FANCB: variants seen among roughly 807,000 people sequenced by gnomAD.
The protein encoded by FANCB is Fanconi anemia group B protein.
A neutral mutation model predicts 38.9 loss-of-function variants in FANCB; 5 were observed. The ratio of observed to expected loss-of-function variants is 0.13; its 90% CI spans 0.07 to 0.27. The LOEUF is 0.27. Among genes scored for constraint, FANCB ranks in the 10% least tolerant of loss-of-function variants. FANCB has a pLI of 1.00. For missense variants in FANCB, 573 were observed against 602.7 expected (o/e 0.95, Z 0.52); for synonymous variants, 236 against 215.4 (o/e 1.10, Z -0.84).
chrX:14,739,834 TGATG>T, the FANCB span, among the ~76,000 whole-genome samples: 1 of 112,320 alleles, frequency 8.9e-6, no homozygotes, highest in Non-Finnish European at 1.9e-5. Flanking sequence ...TTTCCCAAGA[TGATG>T]GAAGCGTGTA....
At chrX:14,693,698 C>T in the FANCB span, among the ~76,000 whole-genome samples, 2 of 111,818 alleles carry the variant, frequency 1.8e-5, no homozygotes, top group South Asian at 3.7e-4. Flanking sequence ...TGGACTATAA[C>T]GCACCTCATA....
chrX:14,857,832 G>A (rs759214492), intron 5 of FANCB, 30 bp downstream of exon 5: 47 of 985,206 alleles, frequency 4.8e-5, no homozygotes, highest in Middle Eastern at 2.6e-4. Context: ...AACACTAATC[G>A]AAAAGCAAAA....
the FANCB span, among the ~76,000 whole-genome samples, chrX:14,763,057 T>A: frequency 8.9e-6 from 1 of 111,839 alleles, no homozygotes; most frequent in South Asian, 3.8e-4. Context: ...CAGAGAGTGA[T>A]CTAAACTGAG....
chrX:14,775,160 G>GTTTTTTTTTTTTTTTTTTTTTTTTT, the FANCB span, among the ~76,000 whole-genome samples: 2 of 35,001 alleles, frequency 5.7e-5, no homozygotes, highest in Non-Finnish European at 1.2e-4. Flanking sequence ...TTTCTCTAAT[G>GTTTTTTTTTTTTTTTTTTTTTTTTT]TTTTTTTTTT....
Position 14,843,534 on chromosome X carries a change from A to C in FANCB, c.*33T>G, listed in dbSNP as rs187611308. On this transcript the variant is annotated 3_prime_UTR_variant, in exon 10 of 10. Transcript: ENST00000650831. ...CAAAATCTTATATGGTGGTGAAAACATATTTTAAAATATGATCAAATTGAA... is the reference window on the plus strand; with the variant it reads ...CAAAATCTTATATGGTGGTGAAAACCTATTTTAAAATATGATCAAATTGAA... The C allele has an allele frequency of 3.7e-6, 4 of 1,067,456 alleles. No homozygotes were observed. The African/African-American group carries it at 7.5e-5, about 20-fold the overall frequency. 88.0% of individuals were successfully genotyped at this position (1,067,456 alleles called of 1,213,427 possible).
In FANCB at chrX:14,859,183, G is replaced by A. The variant is rs143585647; in HGVS notation, c.1103C>T (p.Ser368Leu). Residue 368 changes from serine (S) to leucine (L), a missense_variant and splice_region_variant, in exon 4 of 10, where the codon TCG (serine) becomes TTG (leucine). Coordinates refer to ENST00000650831, the MANE Select transcript of FANCB (RefSeq NM_001018113.3). ...ATATAATAAGTAAATAGAACTTACCGAATAGTTTATTTTTCCAAGATCCGT... is the reference window on the plus strand; with the variant it reads ...ATATAATAAGTAAATAGAACTTACCAAATAGTTTATTTTTCCAAGATCCGT... ...KITDLGKINY[S>L]SEPSDCNEDD... is the part of the protein sequence containing the mutation. The A allele has an allele frequency of 2.8e-5, 33 of 1,169,624 alleles. No individual in the cohort carries two copies. Among genetic ancestry groups the A allele is most frequent in the Admixed American group, 6.6e-5 (3 of 45,148 alleles).
chrX:14,818,808 G>A, the FANCB span, among the ~76,000 whole-genome samples: 8 of 111,630 alleles, frequency 7.2e-5, no homozygotes, highest in South Asian at 3.7e-4. Context: ...TATTTTACTC[G>A]TACGAAGTCT....
At chrX:14,780,289 T>C in the FANCB span, among the ~76,000 whole-genome samples, 2 of 110,768 alleles carry the variant, frequency 1.8e-5, no homozygotes, top group African/African-American at 6.8e-5. Flanking sequence ...TGTCAAACGC[T>C]GAATAGGTTA....
chrX:14,819,388 T>G, the FANCB span, among the ~76,000 whole-genome samples: 2 of 111,515 alleles, frequency 1.8e-5, no homozygotes, highest in African/African-American at 6.5e-5. Context: ...GGGAAGCCAA[T>G]GAACAGTTTA....
chrX:14,706,789 T>C, the FANCB span, among the ~76,000 whole-genome samples: 1 of 112,314 alleles, frequency 8.9e-6, no homozygotes, highest in East Asian at 2.8e-4. Context: ...GATTGAACAG[T>C]GCACACATGC....
At chrX:14,730,487 T>C in the FANCB span, 2 of 1,190,658 alleles carry the variant, frequency 1.7e-6, no homozygotes, top group East Asian at 3.0e-5. Flanking sequence ...AAGAAATAGA[T>C]GTGCCCTACA....
Position 14,843,525 on chromosome X carries a change from G to A in FANCB, c.*42C>T, listed in dbSNP as rs935647794. 9.9e-7 allele frequency: 1 copy of A among 1,014,935 alleles called. No homozygotes were observed. The highest frequency in any genetic ancestry group is 1.9e-5 in the African/African-American group (1 of 52,297). The allele number at this position is 1,014,935 out of a possible 1,213,427, so 83.6% of individuals were successfully genotyped here. Reference sequence around the variant, plus strand: ...AAGTAGAACCAAAATCTTATATGGTGGTGAAAACATATTTTAAAATATGAT... The same window carrying A: ...AAGTAGAACCAAAATCTTATATGGTAGTGAAAACATATTTTAAAATATGAT... On this transcript the variant is annotated 3_prime_UTR_variant, in exon 10 of 10. Transcript: ENST00000650831.
chrX:14,851,720 C>T, intron 6 of FANCB, among the ~76,000 whole-genome samples: 1 of 112,239 alleles, frequency 8.9e-6, no homozygotes, highest in Non-Finnish European at 1.9e-5. Flanking sequence ...AACCCTTCCC[C>T]TTTCTAAAAT....
chrX:14,696,836 G>C, the FANCB span, among the ~76,000 whole-genome samples: 3 of 112,095 alleles, frequency 2.7e-5, no homozygotes, highest in Admixed American at 1.9e-4. Flanking sequence ...ATTGAGAAAT[G>C]CAAGTTTGCA....
At chrX:14,861,166 G>A (rs993390191) in intron 3 of FANCB, among the ~76,000 whole-genome samples, 10 of 111,582 alleles carry the variant, frequency 9.0e-5, no homozygotes, top group Non-Finnish European at 1.5e-4. Flanking sequence ...TTACAAACGT[G>A]GGCCACTACA....
chrX:14,786,712 A>G, the FANCB span, among the ~76,000 whole-genome samples: 1 of 110,846 alleles, frequency 9.0e-6, no homozygotes, highest in Non-Finnish European at 1.9e-5. Context: ...AGATTGGGGT[A>G]AAATTGTCCA....
Position 14,854,542 on chromosome X carries a change from T to C in FANCB, c.1198-1375A>G, listed in dbSNP as rs975337862. Among the ~76,000 whole-genome samples, 3 of 111,866 alleles carry C rather than the reference T, an allele frequency of 2.7e-5. No individual in the cohort carries two copies. In the Admixed American group the frequency reaches 2.8e-4, roughly 11 times the overall value. ...CCGTTTGCAAAACCAATAGATTGTG[T>C]ACCTTCCCAGAACTTTTCCATGTGC... On this transcript the variant is annotated intron_variant, in intron 5 of 9. Coordinates refer to ENST00000650831, the MANE Select transcript of FANCB (RefSeq NM_001018113.3).
chrX:14,694,286 C>T, the FANCB span, among the ~76,000 whole-genome samples: 1 of 111,409 alleles, frequency 9.0e-6, no homozygotes, highest in Non-Finnish European at 1.9e-5. Flanking sequence ...CACAATCTCA[C>T]TCCCTGTCAT....
At chrX:14,697,864 T>G in the FANCB span, among the ~76,000 whole-genome samples, 1 of 112,394 alleles carries the variant, frequency 8.9e-6, no homozygotes, top group Admixed American at 9.4e-5. Context: ...TTCATTTTTG[T>G]ATGATATAAA....
Sources: gnomAD v4.1 joint callset for allele counts (sites outside exome capture counted in the v4.1 genomes callset) on GRCh38, gnomAD v4.1.1 for gene constraint, MANE v1.5 for transcripts, NCBI Gene and HGNC (gene_info 2026-07-23, HGNC 2026-07-21) for gene names.